CELSR1: variants seen among roughly 807,000 people sequenced by gnomAD.
The protein encoded by CELSR1 is adhesion G protein-coupled receptor C1.
Under a neutral mutation model 249.1 loss-of-function variants are expected in CELSR1, and 110 were observed. The ratio of observed to expected loss-of-function variants is 0.44; its 90% CI spans 0.38 to 0.52. The LOEUF is 0.52. Among genes scored for constraint, CELSR1 ranks in the 20% least tolerant of loss-of-function variants. CELSR1 has a pLI of 0.00. For missense variants in CELSR1, 4,109 were observed against 4,296.4 expected (o/e 0.96, Z 1.22); for synonymous variants, 2,113 against 1,900.0 (o/e 1.11, Z -2.92).
chr22:46,415,389 A>G (rs940218223), intron 5 of CELSR1, among the ~76,000 whole-genome samples: 16 of 152,274 alleles, frequency 1.1e-4, no homozygotes, highest in African/African-American at 3.6e-4. Flanking sequence ...ACCTCAAGTG[A>G]TCCACCTGCC....
intron 5 of CELSR1, among the ~76,000 whole-genome samples, chr22:46,432,550 G>T (rs1351122045): frequency 6.6e-6 from 1 of 152,244 alleles, no homozygotes; most frequent in East Asian, 1.9e-4. Context: ...GAAGAGAAAA[G>T]GGATTTGCAA....
intron 19 of CELSR1, 99 bp downstream of exon 19, chr22:46,386,303 G>C: frequency 1.5e-6 from 2 of 1,310,004 alleles, no homozygotes; most frequent in Non-Finnish European, 2.0e-6. Context: ...TGGCCAAGGG[G>C]GGGCCGGGAG....
At position 46,425,524 on chromosome 22, in the gene CELSR1, T is replaced by C. The variant is rs373819355; in HGVS notation, c.4611+7869A>G. Reference sequence around the variant, plus strand: ...GGTGAGTTGTAGTAGTTTGTGTTTTTTGAGGAGTTGGTCCGTGCATCTGGG... The same window carrying C: ...GGTGAGTTGTAGTAGTTTGTGTTTTCTGAGGAGTTGGTCCGTGCATCTGGG... On this transcript the variant is annotated intron_variant, in intron 5 of 34. Coordinates refer to ENST00000674500, the MANE Select transcript of CELSR1 (RefSeq NM_001378328.1). Among the ~76,000 whole-genome samples the C allele has an allele frequency of 8.6e-4, 131 of 152,334 alleles. 1 individual carries two copies. The South Asian group carries it at 0.026, about 30-fold the overall frequency.
In CELSR1 at chr22:46,464,153, T is replaced by G; in HGVS notation, c.3737A>C (p.Asn1246Thr). 1 of 1,613,774 alleles carries G rather than the reference T, an allele frequency of 6.2e-7. No homozygotes were observed. The highest frequency in any genetic ancestry group is 8.5e-7 in the Non-Finnish European group (1 of 1,180,030). Reference sequence around the variant, plus strand: ...GCTGACGTCGGTGTCGTTCTGGACGTTGAAGACGAAGACGTCGTCCTTGGT... The same window carrying G: ...GCTGACGTCGGTGTCGTTCTGGACGGTGAAGACGAAGACGTCGTCCTTGGT... The part of the protein sequence containing the change: ...STTKDDVFVF[N>T]VQNDTDVSSN... The change falls in exon 2 of 35, where the codon AAC becomes ACC. Residue 1246 changes from asparagine to threonine, a missense_variant. Transcript: ENST00000674500. The surrounding 1 kb of genome is among the most constrained non-coding windows in gnomAD (Gnocchi z 8.5).
chr22:46,388,000 G>T (rs1200514066), intron 18 of CELSR1, among the ~76,000 whole-genome samples: 2 of 152,168 alleles, frequency 1.3e-5, no homozygotes, highest in African/African-American at 2.4e-5. Context: ...GGGTCTGTGT[G>T]AAAGACTGGG....
intron 1 of CELSR1, among the ~76,000 whole-genome samples, chr22:46,514,401 C>A (rs80067390): frequency 4.2e-4 from 64 of 152,310 alleles, no homozygotes; most frequent in Non-Finnish European, 5.1e-4. Flanking sequence ...CAGGCCCCGA[C>A]GGTCCATCCA....
chr22:46,416,352 C>T (rs749442629), intron 5 of CELSR1, among the ~76,000 whole-genome samples: 3 of 152,176 alleles, frequency 2.0e-5, no homozygotes, highest in African/African-American at 7.2e-5. Context: ...CTGGGTACTG[C>T]GCAGCAGCCG....
rs2147456258 is a variant in CELSR1, at chr22:46,437,786, T to C, written c.4406+1403A>G. Reference sequence around the variant, plus strand: ...AAAAAAAACTGATGGTTCCCAACTGTCGCCCAAACCCCCTCTCTTTAGAAT... The same window carrying C: ...AAAAAAAACTGATGGTTCCCAACTGCCGCCCAAACCCCCTCTCTTTAGAAT... On this transcript the variant is annotated intron_variant, in intron 3 of 34. Transcript: ENST00000674500. This position sits in a 1 kb window ranked among gnomAD's most constrained non-coding sequence, Gnocchi z 4.9. 6.6e-6 allele frequency among the ~76,000 whole-genome samples: 1 copy of C among 150,426 alleles called. No individual in the cohort carries two copies. The highest frequency in any genetic ancestry group is 1.9e-4 in the East Asian group (1 of 5,152).
In CELSR1 at chr22:46,468,385, CAAA is replaced by C. The variant is rs34099713; in HGVS notation, c.3545-4043_3545-4041del. Among the ~76,000 whole-genome samples the C allele has an allele frequency of 2.1e-5, 3 of 141,774 alleles. No homozygotes were observed. The allele number at this position is 141,774 out of a possible 152,430, so 93.0% of individuals were successfully genotyped here. Reference sequence around the variant, plus strand: ...TGGGCAACAAAGCAAGACTCTGTCTCAAAAAAAAAAAAAAATGTGGTCCATGCA... The same window carrying C: ...TGGGCAACAAAGCAAGACTCTGTCTCAAAAAAAAAAAATGTGGTCCATGCA... On this transcript the variant is annotated intron_variant, in intron 1 of 34. Coordinates refer to ENST00000674500, the MANE Select transcript of CELSR1 (RefSeq NM_001378328.1). This position sits in a 1 kb window ranked among gnomAD's most constrained non-coding sequence, Gnocchi z 4.5.
At position 46,536,392 on chromosome 22, in the gene CELSR1, G is replaced by A; in HGVS notation, c.779C>T (p.Ala260Val). 1 of 1,612,258 alleles carries A rather than the reference G, an allele frequency of 6.2e-7. No homozygotes were observed. ...GTGCAGCTGGAGGATGAGGGTGCCC[G>A]CCGGTTCGTTCTCAAACAACGCCAC... Reference protein sequence around the residue: ...YQVALFENEPAGTLILQLHAH... With the variant: ...YQVALFENEPVGTLILQLHAH... Residue 260 changes from alanine (A) to valine (V), a missense_variant, in exon 1 of 35, where the codon GCG becomes GTG. By Grantham distance (64) the Ala-to-Val change is moderately conservative. Around this residue, in one of 7 missense-constraint regions of CELSR1, gnomAD observed 673 missense variants for 636.8 expected, o/e 1.06. Transcript: ENST00000674500.
At chr22:46,467,508 T>TAA (rs1491326558) in intron 1 of CELSR1, among the ~76,000 whole-genome samples, 2 of 72,846 alleles carry the variant, frequency 2.7e-5, no homozygotes, top group Admixed American at 1.8e-4. Flanking sequence ...ACGAACATGT[T>TAA]ATATATATAT....
At chr22:46,438,547 A>G (rs74478272) in intron 3 of CELSR1, among the ~76,000 whole-genome samples, 3,173 of 152,308 alleles carry the variant, frequency 0.021, 117 homozygotes, top group African/African-American at 0.067. Flanking sequence ...ACCGTCACAC[A>G]TAAGGGAAAC....
rs1248359412 is a variant in CELSR1, at chr22:46,413,087, C to T, written c.4612-1328G>A. ...GTCAGTTTGAGTTTATAGCATGATA[C>T]AATCTCATGCTTCTTTATAAAACGT... On this transcript the variant is annotated intron_variant, in intron 5 of 34. Transcript: ENST00000674500. This position sits in a 1 kb window ranked among gnomAD's most constrained non-coding sequence, Gnocchi z 4.7. 1.3e-5 allele frequency among the ~76,000 whole-genome samples: 2 copies of T among 152,216 alleles called. No homozygotes were observed. Among genetic ancestry groups the T allele is most frequent in the South Asian group, 2.1e-4 (1 of 4,830 alleles).
intron 1 of CELSR1, among the ~76,000 whole-genome samples, chr22:46,524,260 G>A (rs1014213046): frequency 6.6e-6 from 1 of 152,220 alleles, no homozygotes; most frequent in Non-Finnish European, 1.5e-5. Flanking sequence ...CACCGCGGTG[G>A]TGGGAAGCAC....
At chr22:46,418,597 C>T (rs981967192) in intron 5 of CELSR1, among the ~76,000 whole-genome samples, 2 of 152,316 alleles carry the variant, frequency 1.3e-5, no homozygotes, top group East Asian at 1.9e-4. Context: ...TTAGCCTCTC[C>T]GCTGAACCCG....
At chr22:46,387,865 C>T (rs1301064717) in intron 18 of CELSR1, among the ~76,000 whole-genome samples, 2 of 152,262 alleles carry the variant, frequency 1.3e-5, no homozygotes, top group African/African-American at 2.4e-5. Flanking sequence ...CTCCTGAACT[C>T]CACCAACCAC....
rs1285733994 is a variant in CELSR1 at position 46,362,083 on chromosome 22, G to A, written c.*1140C>T. 1.3e-5 allele frequency: 2 copies of A among 152,290 alleles called. No individual in the cohort carries two copies. The highest frequency in any genetic ancestry group is 4.8e-5 in the African/African-American group (2 of 41,478). 9.4% of individuals were successfully genotyped at this position (152,290 alleles called of 1,614,324 possible). ...AGATCCTCGCAGTCTCAGAGAGTTA[G>A]AGAATTGGCAGGAGGTATGTAACGG... On this transcript the variant is annotated 3_prime_UTR_variant, in exon 35 of 35. Coordinates refer to ENST00000674500, the MANE Select transcript of CELSR1 (RefSeq NM_001378328.1).
Position 46,411,969 on chromosome 22 carries a change from C to A in CELSR1, c.4612-210G>T, listed in dbSNP as rs2079342294. 6.6e-6 allele frequency among the ~76,000 whole-genome samples: 1 copy of A among 152,218 alleles called. No homozygotes were observed. Among genetic ancestry groups the A allele is most frequent in the Admixed American group, 6.5e-5 (1 of 15,284 alleles). Reference sequence around the variant, plus strand: ...AGTTCTGCTTCCCAGAATCTCAGAACGTGGCCTGGTCTGGACAAAGAGCTG... The same window carrying A: ...AGTTCTGCTTCCCAGAATCTCAGAAAGTGGCCTGGTCTGGACAAAGAGCTG... On this transcript the variant is annotated intron_variant, in intron 5 of 34. Transcript: ENST00000674500. The surrounding 1 kb of genome is among the most constrained non-coding windows in gnomAD (Gnocchi z 4.2).
chr22:46,470,117 CTT>C (rs761672598), intron 1 of CELSR1, among the ~76,000 whole-genome samples: 3 of 136,534 alleles, frequency 2.2e-5, no homozygotes, highest in African/African-American at 5.4e-5. Flanking sequence ...GCCTGTTTGA[CTT>C]TTTTTTTTTT....
Sources: allele counts gnomAD v4.1 joint callset (sites outside exome capture counted in the v4.1 genomes callset), GRCh38; gene constraint gnomAD v4.1.1; regional missense constraint gnomAD v4.1.1; non-coding constraint Gnocchi (gnomAD v3.1); transcripts MANE v1.5; gene names NCBI Gene and HGNC (gene_info 2026-07-23, HGNC 2026-07-21).